The following RAB11FIP3 variants were observed in gnomAD, a reference collection of about 807,000 sequenced individuals.
RAB11FIP3 encodes the protein rab11 family-interacting protein 3.
RAB11FIP3 carries 17 observed loss-of-function variants against 77.8 expected under a neutral mutation model. The ratio of observed to expected loss-of-function variants is 0.22; its 90% CI spans 0.15 to 0.33. The LOEUF (loss-of-function observed/expected upper bound fraction) is 0.33, where lower values mean the gene tolerates loss of function less well. Among genes scored for constraint, RAB11FIP3 ranks in the 10% least tolerant of loss-of-function variants. The pLI is 1.00. For synonymous variants in RAB11FIP3, 437 were observed against 448.2 expected, an observed-to-expected ratio of 0.98 and a Z score of 0.31; for missense variants, 1,005 against 1,011.2, an observed-to-expected ratio of 0.99 and a Z score of 0.08.
intron 5 of RAB11FIP3, among the ~76,000 whole-genome samples, chr16:496,082 A>G (rs538022536): frequency 8.5e-5 from 13 of 152,286 alleles, no homozygotes; most frequent in Middle Eastern, 3.4e-3. Flanking sequence ...GACCCTGGAA[A>G]GAAAATCAGA....
chr16:433,620 G>A (rs1318292668), intron 1 of RAB11FIP3, among the ~76,000 whole-genome samples: 8 of 151,706 alleles, frequency 5.3e-5, no homozygotes, highest in Admixed American at 2.0e-4. Flanking sequence ...AGGCCAAGGC[G>A]GGCGGATCAC....
At chr16:486,576 C>G (rs117466974) in intron 4 of RAB11FIP3, among the ~76,000 whole-genome samples, 2 of 152,206 alleles carry the variant, frequency 1.3e-5, no homozygotes, top group Non-Finnish European at 2.9e-5. Context: ...TGCTAGCTAG[C>G]GCGGCTCATC....
chr16:492,395 C>CCGGGAGACCCGAGGCCGTCCAGGGCCCTT (rs2030476535), intron 5 of RAB11FIP3, among the ~76,000 whole-genome samples: 1 of 40,584 alleles, frequency 2.5e-5, no homozygotes, highest in African/African-American at 8.8e-5. Context: ...CAGAGCCCTC[C>CCGGGAGACCCGAGGCCGTCCAGGGCCCTT]CCGGGAGACC....
At chr16:428,311 C>T (rs2054985440) in intron 1 of RAB11FIP3, among the ~76,000 whole-genome samples, 1 of 152,158 alleles carries the variant, frequency 6.6e-6, no homozygotes, top group Non-Finnish European at 1.5e-5. Context: ...CCTGTATGGT[C>T]AGCGTGGATG....
chr16:434,008 G>T (rs1312724484), intron 1 of RAB11FIP3, among the ~76,000 whole-genome samples: 6 of 152,160 alleles, frequency 3.9e-5, no homozygotes. Context: ...GTGGTATATG[G>T]ATTTCCTTTC....
intron 9 of RAB11FIP3, among the ~76,000 whole-genome samples, chr16:512,181 G>T: frequency 6.8e-6 from 1 of 148,148 alleles, no homozygotes; most frequent in Non-Finnish European, 1.5e-5. Flanking sequence ...GCTGGTTTCT[G>T]TAAATCCATG....
chr16:464,336 A>G (rs181759597), intron 2 of RAB11FIP3, among the ~76,000 whole-genome samples: 6 of 152,312 alleles, frequency 3.9e-5, no homozygotes, highest in African/African-American at 1.4e-4. Context: ...TACTTTATAC[A>G]TTTATTTAAC....
Position 471,459 on chromosome 16 carries a change from G to T in RAB11FIP3, c.903+70G>T. On this transcript the variant is annotated intron_variant, in intron 3 of 13. Transcript: ENST00000262305. This position sits in a 1 kb window ranked among gnomAD's most constrained non-coding sequence, Gnocchi z 4.4. The stretch of plus-strand genomic sequence containing the variant: ...CCTCTTCCTTTATGCCCTACAGCTC[G>T]TGCCTCCTGCCTCCGGGCTGTCTTC... The T allele has an allele frequency of 2.3e-6, 3 of 1,300,436 alleles. No individual in the cohort carries two copies. Among genetic ancestry groups the T allele is most frequent in the Non-Finnish European group, 1.1e-6 (1 of 917,394 alleles). The allele number at this position is 1,300,436 out of a possible 1,614,324, so 80.6% of individuals were successfully genotyped here. A position where few individuals can be genotyped will look rare whatever the true frequency, so the allele number is the denominator to read the frequency against.
chr16:521,118 C>T lies in RAB11FIP3; in HGVS notation c.*279C>T. 1 of 513,030 alleles carries T rather than the reference C, an allele frequency of 1.9e-6. No homozygotes were observed. The highest frequency in any genetic ancestry group is 2.3e-5 in the South Asian group (1 of 43,428). 31.8% of individuals were successfully genotyped at this position (513,030 alleles called of 1,614,324 possible). A position where few individuals can be genotyped will look rare whatever the true frequency, so the allele number is the denominator to read the frequency against. ...TCCATCAGCGCTGACCTTCCGGGGGCCCAGAGCTTCCCAGCCCTGAGTCAA... is the reference window on the plus strand; with the variant it reads ...TCCATCAGCGCTGACCTTCCGGGGGTCCAGAGCTTCCCAGCCCTGAGTCAA... On this transcript the variant is annotated 3_prime_UTR_variant, in exon 14 of 14. Transcript: ENST00000262305.
At chr16:460,037 C>T (rs1037674233) in intron 1 of RAB11FIP3, among the ~76,000 whole-genome samples, 1 of 152,014 alleles carries the variant, frequency 6.6e-6, no homozygotes, top group Admixed American at 6.6e-5. Context: ...GCCACCACGC[C>T]TGGCTGATTT....
rs1442626421 is a variant in RAB11FIP3, at chr16:506,146, C to T, written c.1499+519C>T. 6.6e-6 allele frequency among the ~76,000 whole-genome samples: 1 copy of T among 152,060 alleles called. No homozygotes were observed. Among genetic ancestry groups the T allele is most frequent in the Non-Finnish European group, 1.5e-5 (1 of 68,020 alleles). On this transcript the variant is annotated intron_variant, in intron 8 of 13. Coordinates refer to ENST00000262305, the MANE Select transcript of RAB11FIP3 (RefSeq NM_014700.4). The surrounding 1 kb of genome is among the most constrained non-coding windows in gnomAD (Gnocchi z 4.5). ...CTGGGGAGGAAGCGAAGTGTGACGC[C>T]GTGTTTGCAGAGAAAGAGTGGGAGC...
rs1467030433 is a variant in RAB11FIP3 at position 461,431 on chromosome 16, C to T, written c.742C>T (p.Pro248Ser). The T allele has an allele frequency of 6.2e-7, 1 of 1,613,454 alleles. No individual in the cohort carries two copies. The highest frequency in any genetic ancestry group is 8.5e-7 in the Non-Finnish European group (1 of 1,179,706). The change falls in exon 2 of 14, where the codon CCC becomes TCC. Residue 248 changes from proline to serine, a missense_variant. This residue lies in a region of RAB11FIP3 where 466 missense variants were observed against 408.3 expected (regional missense o/e 1.14). Coordinates refer to ENST00000262305, the MANE Select transcript of RAB11FIP3 (RefSeq NM_014700.4). The surrounding 1 kb of genome is among the most constrained non-coding windows in gnomAD (Gnocchi z 4.5). ...GAAGGACTTAACTAAGTACTTGGAT[C>T]CCAGTGGGCTCGGCGTGATCAGCTT... is the stretch of plus-strand genomic sequence containing the variant. ...QVKDLTKYLD[P>S]SGLGVISFED...
chr16:470,033 C>T (rs1421962815), intron 2 of RAB11FIP3, among the ~76,000 whole-genome samples: 1 of 151,332 alleles, frequency 6.6e-6, no homozygotes, highest in Non-Finnish European at 1.5e-5. Context: ...CTTGCTCTGT[C>T]GCCCAGGCTG....
At chr16:456,958 C>T (rs375185349) in intron 1 of RAB11FIP3, among the ~76,000 whole-genome samples, 1 of 151,426 alleles carries the variant, frequency 6.6e-6, no homozygotes, top group Non-Finnish European at 1.5e-5. Flanking sequence ...CTTCCAGAGC[C>T]GCCTCTCTCC....
Position 505,931 on chromosome 16 carries a change from G to A in RAB11FIP3, c.1499+304G>A, listed in dbSNP as rs2031847063. 6.6e-6 allele frequency among the ~76,000 whole-genome samples: 1 copy of A among 152,192 alleles called. No individual in the cohort carries two copies. The highest frequency in any genetic ancestry group is 2.1e-4 in the South Asian group (1 of 4,832). The stretch of plus-strand genomic sequence containing the variant: ...CCCACACAGAGGAGGAACTGACTGC[G>A]AACCCACGCAGTGCTCAGCCTCACC... On this transcript the variant is annotated intron_variant, in intron 8 of 13. Transcript: ENST00000262305. The surrounding 1 kb of genome is among the most constrained non-coding windows in gnomAD (Gnocchi z 4.0).
At chr16:509,271 G>T (rs563279253) in intron 8 of RAB11FIP3, among the ~76,000 whole-genome samples, 1 of 152,354 alleles carries the variant, frequency 6.6e-6, no homozygotes, top group East Asian at 1.9e-4. Flanking sequence ...TGTCTCTTCT[G>T]CAGCAGGCTG....
Position 480,790 on chromosome 16 carries a change from G to A in RAB11FIP3, c.904-1735G>A, listed in dbSNP as rs927031623. ...TGGGATTACAGGCGTGAGCCACTGC[G>A]CCCGGCCTGTATTTATTTATTTTAA... On this transcript the variant is annotated intron_variant, in intron 3 of 13. Coordinates refer to ENST00000262305, the MANE Select transcript of RAB11FIP3 (RefSeq NM_014700.4). Among the ~76,000 whole-genome samples the A allele has an allele frequency of 1.1e-4, 13 of 116,124 alleles. 5 individuals carry two copies. Among genetic ancestry groups the A allele is most frequent in the Admixed American group, 5.0e-4 (6 of 11,926 alleles). The allele number at this position is 116,124 out of a possible 152,430, so 76.2% of individuals were successfully genotyped here.
chr16:429,194 C>T (rs1296694948), intron 1 of RAB11FIP3, among the ~76,000 whole-genome samples: 2 of 152,094 alleles, frequency 1.3e-5, no homozygotes, highest in African/African-American at 2.4e-5. Flanking sequence ...TCAGTTTTAG[C>T]AGTCTTGGTT....
rs1567348046 is a variant in RAB11FIP3, at chr16:425,717, C to CCTCCTCGGCCCCCGTCCCCG, written c.-290_-289insCTCCTCGGCCCCCGTCCCCG. 2 of 309,504 alleles carry CCTCCTCGGCCCCCGTCCCCG rather than the reference C, an allele frequency of 6.5e-6. No homozygotes were observed. Among genetic ancestry groups the CCTCCTCGGCCCCCGTCCCCG allele is most frequent in the African/African-American group, 4.4e-5 (2 of 45,354 alleles). 19.2% of individuals were successfully genotyped at this position (309,504 alleles called of 1,614,324 possible). A position where few individuals can be genotyped will look rare whatever the true frequency, so the allele number is the denominator to read the frequency against. On this transcript the variant is annotated 5_prime_UTR_variant, in exon 1 of 14. Coordinates refer to ENST00000262305, the MANE Select transcript of RAB11FIP3 (RefSeq NM_014700.4). ...TCCGGCCTCCTCGGCCCCCGTCCCCCGGCCTCCTCGGCCCCCGTCCCCCGC... is the reference window on the plus strand; with the variant it reads ...TCCGGCCTCCTCGGCCCCCGTCCCCCCTCCTCGGCCCCCGTCCCCGGGCCTCCTCGGCCCCCGTCCCCCGC...
Sources: gnomAD v4.1 joint callset for allele counts (sites outside exome capture counted in the v4.1 genomes callset) on GRCh38, gnomAD v4.1.1 for gene constraint, gnomAD v4.1.1 regional missense constraint, Gnocchi (gnomAD v3.1) non-coding constraint, MANE v1.5 for transcripts, NCBI Gene and HGNC (gene_info 2026-07-23, HGNC 2026-07-21) for gene names.